The following TANC2 variants were observed in gnomAD, a reference collection of about 807,000 sequenced individuals.
TANC2 encodes protein TANC2.
TANC2 carries 26 observed loss-of-function variants against 210.5 expected under a neutral mutation model. The ratio of observed to expected loss-of-function variants is 0.12; its 90% CI spans 0.09 to 0.17. The LOEUF is 0.17. TANC2 is among the 10% of genes least tolerant of loss of function. TANC2 has a pLI of 1.00. For missense variants in TANC2, 2,129 were observed against 2,608.9 expected (o/e 0.82, Z 4.01); for synonymous variants, 931 against 967.1 (o/e 0.96, Z 0.69).
chr17:63,338,864 C>T (rs1312185612), intron 11 of TANC2: 2 of 152,054 alleles, frequency 1.3e-5, no homozygotes, highest in Non-Finnish European at 2.9e-5. Flanking sequence ...TAAAAAATAT[C>T]GACATTTCCA....
chr17:63,339,489 C>T (rs908291866), intron 11 of TANC2, among the ~76,000 whole-genome samples: 1 of 152,164 alleles, frequency 6.6e-6, no homozygotes, highest in African/African-American at 2.4e-5. Context: ...AGACCTACAT[C>T]TAACAAAAAT....
Position 63,087,005 on chromosome 17 carries a change from C to T in TANC2, c.140-12170C>T, listed in dbSNP as rs541114156. 7.9e-5 allele frequency among the ~76,000 whole-genome samples: 12 copies of T among 152,344 alleles called. No homozygotes were observed. The South Asian group carries it at 2.1e-3, about 26-fold the overall frequency. ...CTGCAGCGGCAACTCACTGGCGTCC[C>T]TTTCTGTGCTGTGGAAGCTTTGTTC... is the stretch of plus-strand genomic sequence containing the variant. On this transcript the variant is annotated intron_variant, in intron 3 of 27. Coordinates refer to ENST00000689528, the Ensembl canonical transcript of TANC2.
At chr17:63,350,040 T>A (rs1407110482) in intron 12 of TANC2, among the ~76,000 whole-genome samples, 2 of 152,230 alleles carry the variant, frequency 1.3e-5, no homozygotes, top group African/African-American at 4.8e-5. Context: ...ATTTGGATAT[T>A]GAAATTAAAT....
intron 9 of TANC2, among the ~76,000 whole-genome samples, chr17:63,307,641 G>C (rs534971804): frequency 1.3e-5 from 2 of 152,336 alleles, no homozygotes; most frequent in South Asian, 4.1e-4. Flanking sequence ...AATCACAGAA[G>C]AATATTGGTG....
intron 1 of TANC2, chr17:62,978,510 A>T (rs1447504428): frequency 6.6e-6 from 1 of 152,060 alleles, no homozygotes; most frequent in African/African-American, 2.4e-5. Flanking sequence ...CTTGGCCTTG[A>T]CCTCGTTACT....
chr17:63,110,960 T>C (rs577183046), intron 4 of TANC2, among the ~76,000 whole-genome samples: 2 of 152,318 alleles, frequency 1.3e-5, no homozygotes, highest in South Asian at 4.1e-4. Context: ...TCTGAGTATG[T>C]TTTGTTACCT....
At chr17:63,321,281 GT>G (rs2045485304) in intron 11 of TANC2, among the ~76,000 whole-genome samples, 2 of 151,088 alleles carry the variant, frequency 1.3e-5, no homozygotes, top group South Asian at 2.1e-4. Flanking sequence ...TTGTTTTTTG[GT>G]TTTTTAATCC....
chr17:63,195,257 A>G (rs951440870), intron 6 of TANC2, among the ~76,000 whole-genome samples: 3 of 152,078 alleles, frequency 2.0e-5, no homozygotes, highest in Non-Finnish European at 2.9e-5. Context: ...AGCTTCCCAC[A>G]TTATATTTTC....
Position 63,351,449 on chromosome 17 carries a change from A to T in TANC2, c.1974+33A>T, listed in dbSNP as rs1277175726. ...TTTGTTTGCTTTTAAACCATAAATG[A>T]TTCCTCTTGGAAAGAGCTTAGACTG... On this transcript the variant is annotated intron_variant, in intron 13 of 27. Transcript: ENST00000689528. The T allele has an allele frequency of 2.6e-6, 4 of 1,531,528 alleles. No individual in the cohort carries two copies. In the East Asian group the frequency reaches 7.0e-5, roughly 27 times the overall value. The allele number at this position is 1,531,528 out of a possible 1,614,324, so 94.9% of individuals were successfully genotyped here. A position where few individuals can be genotyped will look rare whatever the true frequency, so the allele number is the denominator to read the frequency against.
chr17:63,397,797 G>A (rs2048216694), intron 18 of TANC2, among the ~76,000 whole-genome samples: 1 of 152,206 alleles, frequency 6.6e-6, no homozygotes, highest in Admixed American at 6.5e-5. Context: ...TGAGAGATTT[G>A]AGTATTCTTT....
At chr17:63,137,498 C>T (rs933668451) in intron 4 of TANC2, among the ~76,000 whole-genome samples, 5 of 152,158 alleles carry the variant, frequency 3.3e-5, no homozygotes, top group African/African-American at 1.2e-4. Context: ...AGAATCCAGT[C>T]ATTAAAGCTA....
intron 5 of TANC2, among the ~76,000 whole-genome samples, chr17:63,156,177 A>T (rs935016174): frequency 2.6e-5 from 4 of 152,074 alleles, no homozygotes; most frequent in Non-Finnish European, 5.9e-5. Flanking sequence ...CTCCTGTTTC[A>T]TATCTTTTGT....
At chr17:63,217,277 T>G (rs1490389783) in intron 7 of TANC2, among the ~76,000 whole-genome samples, 1 of 151,742 alleles carries the variant, frequency 6.6e-6, no homozygotes, top group African/African-American at 2.4e-5. Context: ...TTTGAGAAAA[T>G]CAGTAAAATC....
At chr17:63,322,996 C>G (rs9908094) in intron 11 of TANC2, among the ~76,000 whole-genome samples, 37,021 of 152,042 alleles carry the variant, frequency 0.24, 4,570 homozygotes, top group South Asian at 0.31. Flanking sequence ...AACATTGTAT[C>G]AGAAGTAGCC....
chr17:63,201,506 A>G (rs1049983873), intron 7 of TANC2, among the ~76,000 whole-genome samples: 12 of 152,142 alleles, frequency 7.9e-5, no homozygotes, highest in Admixed American at 4.6e-4. Flanking sequence ...TATGATTTGA[A>G]ACCTTATACG....
chr17:62,969,038 C>T (rs544917019), intron 1 of TANC2, among the ~76,000 whole-genome samples: 5 of 151,976 alleles, frequency 3.3e-5, no homozygotes, highest in Non-Finnish European at 7.4e-5. Context: ...AAAGTCGGCC[C>T]TCAATATACT....
chr17:63,042,021 G>T (rs1297560731), intron 2 of TANC2, among the ~76,000 whole-genome samples: 1 of 152,090 alleles, frequency 6.6e-6, no homozygotes, highest in Non-Finnish European at 1.5e-5. Context: ...TGAGATGTGA[G>T]AATAATGTAT....
chr17:63,362,174 G>A (rs139900691), intron 14 of TANC2, among the ~76,000 whole-genome samples: 1 of 152,032 alleles, frequency 6.6e-6, no homozygotes, highest in African/African-American at 2.4e-5. Flanking sequence ...TTGTCCCATC[G>A]AGTGTTCAGC....
intron 22 of TANC2, 101 bp from the exon 23 acceptor site, chr17:63,411,897 G>A (rs1171988005): frequency 1.4e-5 from 21 of 1,530,482 alleles, no homozygotes; most frequent in Non-Finnish European, 1.5e-5. Flanking sequence ...GCCTGGGGTA[G>A]GCCAGCAGTT....
Sources: gnomAD v4.1 joint callset for allele counts (sites outside exome capture counted in the v4.1 genomes callset) on GRCh38, gnomAD v4.1.1 for gene constraint, MANE v1.5 for transcripts, NCBI Gene and HGNC (gene_info 2026-07-23, HGNC 2026-07-21) for gene names.